The following ZZEF1 variants were observed in gnomAD, a reference collection of about 807,000 sequenced individuals.
ZZEF1 encodes zinc finger ZZ-type and EF-hand domain-containing protein 1.
Under a neutral mutation model 342.8 loss-of-function variants are expected in ZZEF1, and 157 were observed. The ratio of observed to expected loss-of-function variants is 0.46; its 90% CI spans 0.40 to 0.52. The LOEUF (loss-of-function observed/expected upper bound fraction) is 0.52, where lower values mean the gene tolerates loss of function less well. ZZEF1 is among the 20% of genes least tolerant of loss of function. The probability of loss-of-function intolerance (pLI) is 0.00; values close to 1 mark genes in which losing one functional copy is unlikely to be tolerated. For synonymous variants in ZZEF1, 1,505 were observed against 1,429.1 expected (o/e 1.05, Z -1.20); for missense variants, 3,480 against 3,725.6 (o/e 0.93, Z 1.72).
Position 4,017,996 on chromosome 17 carries a change from A to G in ZZEF1, c.7506-25T>C. Reference sequence around the variant, plus strand: ...CCTGCAGAAGGGCAGCACAAAGTTGAGTACCAACAGTGTAGACAGGCCAGT... The same window carrying G: ...CCTGCAGAAGGGCAGCACAAAGTTGGGTACCAACAGTGTAGACAGGCCAGT... On this transcript the variant is annotated intron_variant, in intron 46 of 54. Transcript: ENST00000381638. This position sits in a 1 kb window ranked among gnomAD's most constrained non-coding sequence, Gnocchi z 5.1. 5 of 1,611,284 alleles carry G rather than the reference A, an allele frequency of 3.1e-6. No individual in the cohort carries two copies. Among genetic ancestry groups the G allele is most frequent in the Non-Finnish European group, 3.4e-6 (4 of 1,179,906 alleles).
intron 12 of ZZEF1, among the ~76,000 whole-genome samples, chr17:4,089,505 T>C: frequency 6.6e-6 from 1 of 152,248 alleles, no homozygotes; most frequent in East Asian, 1.9e-4. Context: ...ACATCCAAGG[T>C]TTAGCAAAAA....
Position 4,006,697 on chromosome 17 carries a change from G to T in ZZEF1, c.*193C>A, listed in dbSNP as rs2055808116. ...GCACTGCTTGGCTTATTTTCACCAT[G>T]CTACAGCCTGTGCTTGTGTCCAGCC... On this transcript the variant is annotated 3_prime_UTR_variant, in exon 55 of 55. Coordinates refer to ENST00000381638, the MANE Select transcript of ZZEF1 (RefSeq NM_015113.4). 6.0e-6 allele frequency: 4 copies of T among 661,684 alleles called. No individual in the cohort carries two copies. Among genetic ancestry groups the T allele is most frequent in the Non-Finnish European group, 2.7e-6 (1 of 368,382 alleles). 41.0% of individuals were successfully genotyped at this position (661,684 alleles called of 1,614,324 possible).
chr17:4,032,634 G>A (rs1280140124), intron 41 of ZZEF1, among the ~76,000 whole-genome samples, 194 bp downstream of exon 41: 1 of 152,180 alleles, frequency 6.6e-6, no homozygotes, highest in Non-Finnish European at 1.5e-5. Context: ...ATGTTTAACC[G>A]TTAAAAATGC....
At chr17:4,043,308 C>T (rs1013911060) in intron 38 of ZZEF1, among the ~76,000 whole-genome samples, 15 of 152,160 alleles carry the variant, frequency 9.9e-5, no homozygotes, top group African/African-American at 2.7e-4. Context: ...TGCCTATGAA[C>T]CAGGATGCTG....
chr17:4,035,370 G>T (rs577449771), intron 39 of ZZEF1, among the ~76,000 whole-genome samples: 5 of 152,200 alleles, frequency 3.3e-5, no homozygotes, highest in Admixed American at 3.3e-4. Context: ...TCAAGAAGGC[G>T]TCTTTCTGAC....
At chr17:4,116,752 G>A (rs1328234824) in intron 3 of ZZEF1, among the ~76,000 whole-genome samples, 4 of 152,196 alleles carry the variant, frequency 2.6e-5, no homozygotes, top group Non-Finnish European at 4.4e-5. Context: ...AAGCGGAAAG[G>A]CATCCCTCAA....
At chr17:4,057,369 G>A (rs911304474) in intron 32 of ZZEF1, among the ~76,000 whole-genome samples, 4 of 152,200 alleles carry the variant, frequency 2.6e-5, no homozygotes, top group Non-Finnish European at 5.9e-5. Flanking sequence ...GACTGTCCTG[G>A]TGTTGACTCA....
chr17:4,072,906 T>A (rs2057538935), intron 24 of ZZEF1, 150 bp from the exon 25 acceptor site: 5 of 749,022 alleles, frequency 6.7e-6, no homozygotes, highest in Non-Finnish European at 1.0e-5. Flanking sequence ...ATTGTGATAC[T>A]TTGTAAACAC....
At chr17:4,019,207 A>G (rs2056198602) in intron 46 of ZZEF1, among the ~76,000 whole-genome samples, 1 of 152,198 alleles carries the variant, frequency 6.6e-6, no homozygotes, top group Admixed American at 6.5e-5. Context: ...AAATTAGGAT[A>G]CGGGGGATGG....
At chr17:4,015,657 G>A (rs1051480885) in intron 49 of ZZEF1, among the ~76,000 whole-genome samples, 1 of 152,184 alleles carries the variant, frequency 6.6e-6, no homozygotes, top group Admixed American at 6.5e-5. Context: ...CCTGCTACTA[G>A]GGAGGCTGAG....
intron 54 of ZZEF1, among the ~76,000 whole-genome samples, chr17:4,007,783 C>T (rs1472281655): frequency 6.6e-6 from 1 of 152,096 alleles, no homozygotes; most frequent in African/African-American, 2.4e-5. Context: ...CGAGCGTACA[C>T]GTCAAAGCCT....
chr17:4,032,321 G>T (rs946260557), intron 41 of ZZEF1, 63 bp from the exon 42 acceptor site: 31 of 1,565,864 alleles, frequency 2.0e-5, no homozygotes, highest in Non-Finnish European at 3.5e-6. Flanking sequence ...AGAATTCTTA[G>T]GCATAAGCCC....
Position 4,142,627 on chromosome 17 carries a change from C to A in ZZEF1, c.269G>T (p.Arg90Leu). 1 of 1,605,060 alleles carries A rather than the reference C, an allele frequency of 6.2e-7. No individual in the cohort carries two copies. Among genetic ancestry groups the A allele is most frequent in the Non-Finnish European group, 8.5e-7 (1 of 1,179,562 alleles). Residue 90 changes from arginine (R) to leucine (L), a missense_variant, in exon 1 of 55, where the codon CGC becomes CTC. Arg to Leu is a moderately radical substitution (Grantham distance 102, BLOSUM62 -2). Coordinates refer to ENST00000381638, the MANE Select transcript of ZZEF1 (RefSeq NM_015113.4). ...CTCCAGAGTGACAGACTCTTCGCCG[C>A]GGCCCAGCCGCTCTTCCAGCCAGCG... The part of the protein sequence containing the change: ...LFRWLEERLG[R>L]GEESVTLEQF...
chr17:4,044,467 T>C lies in ZZEF1; in HGVS notation c.6016-93A>G, dbSNP rs189242607. On this transcript the variant is annotated intron_variant, in intron 37 of 54. Transcript: ENST00000381638. ...CTTTTTAATGATTAGCCAGTCTTCA[T>C]AGACTAAAAAACTTTTGAATGCCAT... The C allele has an allele frequency of 3.0e-5, 37 of 1,238,068 alleles. No homozygotes were observed. In the African/African-American group the frequency reaches 3.7e-4, roughly 12 times the overall value. 76.7% of individuals were successfully genotyped at this position (1,238,068 alleles called of 1,614,324 possible). A position where few individuals can be genotyped will look rare whatever the true frequency, so the allele number is the denominator to read the frequency against.
Position 4,087,043 on chromosome 17 carries a change from A to G in ZZEF1, c.2343-388T>C, listed in dbSNP as rs2057845274. 3.3e-5 allele frequency among the ~76,000 whole-genome samples: 5 copies of G among 152,078 alleles called. 1 individual carries two copies. The South Asian group carries it at 1.0e-3, about 31-fold the overall frequency. On this transcript the variant is annotated intron_variant, in intron 14 of 54. Coordinates refer to ENST00000381638, the MANE Select transcript of ZZEF1 (RefSeq NM_015113.4). ...ATTACAGGTGCCCACCACCACACCCAGCTAATTTTTGTATTTTTAGTAGAG... is the reference window on the plus strand; with the variant it reads ...ATTACAGGTGCCCACCACCACACCCGGCTAATTTTTGTATTTTTAGTAGAG...
Position 4,114,407 on chromosome 17 carries a change from T to C in ZZEF1, c.758A>G (p.Tyr253Cys), listed in dbSNP as rs1204073982. The C allele has an allele frequency of 1.9e-6, 3 of 1,611,230 alleles. No homozygotes were observed. Among genetic ancestry groups the C allele is most frequent in the Non-Finnish European group, 1.7e-6 (2 of 1,178,766 alleles). ...GTTGGAGGATGTTTCTATATAAGCA[T>C]AGCACTTTGCTACTGACTTGAGTTT... Reference protein sequence around the residue: ...MDKLKSVAKCYAYIETSSNSA... With the variant: ...MDKLKSVAKCCAYIETSSNSA... Residue 253 changes from tyrosine (Y) to cysteine (C), a missense_variant, in exon 4 of 55, where the codon TAT becomes TGT. Transcript: ENST00000381638.
intron 39 of ZZEF1, among the ~76,000 whole-genome samples, chr17:4,039,183 C>T (rs139985111): frequency 6.6e-6 from 1 of 151,884 alleles, no homozygotes; most frequent in Non-Finnish European, 1.5e-5. Context: ...AGGGGTCCAT[C>T]CTGGCCAGGC....
At chr17:4,137,768 C>G (rs1342325462) in intron 1 of ZZEF1, among the ~76,000 whole-genome samples, 1 of 152,224 alleles carries the variant, frequency 6.6e-6, no homozygotes, top group Non-Finnish European at 1.5e-5. Flanking sequence ...CAAGGCCAGA[C>G]AGTATGCTCT....
chr17:4,026,523 CTTTTTTTTTTT>C (rs1237651408), intron 42 of ZZEF1, among the ~76,000 whole-genome samples: 1 of 140,184 alleles, frequency 7.1e-6, no homozygotes, highest in Non-Finnish European at 1.6e-5. Flanking sequence ...TTTTTTTTTT[CTTTTTTTTTTT>C]TTTGAGACGG....
Sources: allele counts gnomAD v4.1 joint callset (sites outside exome capture counted in the v4.1 genomes callset), GRCh38; gene constraint gnomAD v4.1.1; non-coding constraint Gnocchi (gnomAD v3.1); transcripts MANE v1.5; gene names NCBI Gene and HGNC (gene_info 2026-07-23, HGNC 2026-07-21).